The following GSDMC variants were observed in gnomAD, a reference collection of about 807,000 sequenced individuals.
GSDMC encodes the protein gasdermin C, also known as gasdermin-C.
A neutral mutation model predicts 58.0 loss-of-function variants in GSDMC; 59 were observed. The observed-to-expected ratio is 1.02, with a 90% confidence interval of 0.82 to 1.26. The LOEUF (loss-of-function observed/expected upper bound fraction) is 1.26. GSDMC is among the 50% of genes most tolerant of loss of function. The pLI, the probability that GSDMC is intolerant of heterozygous loss-of-function variation, is 0.00. For missense variants in GSDMC, 659 were observed against 598.5 expected, an observed-to-expected ratio of 1.10 and a Z score of -1.06; for synonymous variants, 241 against 220.2, an observed-to-expected ratio of 1.09 and a Z score of -0.83.
intron 3 of GSDMC, among the ~76,000 whole-genome samples, chr8:129,771,411 T>C (rs1256715802): frequency 6.6e-6 from 1 of 152,188 alleles, no homozygotes; most frequent in Non-Finnish European, 1.5e-5. Flanking sequence ...AAATAGATCA[T>C]ATGTTAGGCC....
chr8:129,719,576 T>A, the GSDMC span, among the ~76,000 whole-genome samples: 1 of 152,150 alleles, frequency 6.6e-6, no homozygotes, highest in Non-Finnish European at 1.5e-5. Context: ...AATACACATT[T>A]TTTTCCAAGA....
At chr8:129,781,650 C>G (rs184159115) in intron 1 of GSDMC, among the ~76,000 whole-genome samples, 2 of 151,350 alleles carry the variant, frequency 1.3e-5, no homozygotes, top group East Asian at 3.9e-4. Flanking sequence ...GAGGCTGAGG[C>G]AGGAGAATGG....
the GSDMC span, among the ~76,000 whole-genome samples, chr8:129,743,079 C>T: frequency 6.6e-6 from 1 of 152,116 alleles, no homozygotes; most frequent in East Asian, 1.9e-4. Flanking sequence ...TATTGTACAT[C>T]TTGGGATAGT....
At chr8:129,758,848 A>G (rs962017033) in intron 6 of GSDMC, among the ~76,000 whole-genome samples, 22 of 152,174 alleles carry the variant, frequency 1.4e-4, no homozygotes, top group Non-Finnish European at 1.0e-4. Flanking sequence ...CATTCTTCAC[A>G]GTAAGAAAAA....
At chr8:129,729,178 G>A in the GSDMC span, 1 of 667,650 alleles carries the variant, frequency 1.5e-6, no homozygotes, top group Non-Finnish European at 2.9e-6. Context: ...TATTTGATAT[G>A]TGTCAGCAAT....
At chr8:129,733,198 G>A in the GSDMC span, among the ~76,000 whole-genome samples, 9 of 150,746 alleles carry the variant, frequency 6.0e-5, no homozygotes, top group Admixed American at 5.3e-4. Context: ...GTTCAGCAAG[G>A]TCTGTTGCCT....
intron 6 of GSDMC, among the ~76,000 whole-genome samples, chr8:129,756,227 A>C (rs550252025): frequency 6.6e-6 from 1 of 151,804 alleles, no homozygotes; most frequent in Admixed American, 6.6e-5. Context: ...CAGACAAAAT[A>C]GATTTCAAGA....
the GSDMC span, chr8:129,730,489 A>G: frequency 1.4e-6 from 1 of 736,910 alleles, no homozygotes; most frequent in Non-Finnish European, 2.0e-6. Context: ...GAAAAATTCT[A>G]CTACAGCACA....
the GSDMC span, among the ~76,000 whole-genome samples, chr8:129,712,453 T>C: frequency 3.9e-5 from 6 of 152,014 alleles, no homozygotes; most frequent in Admixed American, 3.3e-4. Flanking sequence ...TGGGTTCTAG[T>C]TCAGGGTTAC....
At chr8:129,730,349 T>C in the GSDMC span, 1 of 1,315,052 alleles carries the variant, frequency 7.6e-7, no homozygotes, top group Non-Finnish European at 1.1e-6. Context: ...TTGAAACTGT[T>C]ATGCAAGGAG....
At chr8:129,735,371 T>A in the GSDMC span, among the ~76,000 whole-genome samples, 1 of 152,140 alleles carries the variant, frequency 6.6e-6, no homozygotes, top group African/African-American at 2.4e-5. Flanking sequence ...CAGCACCACA[T>A]CGCACTTATT....
At chr8:129,711,032 A>G in the GSDMC span, among the ~76,000 whole-genome samples, 1 of 152,184 alleles carries the variant, frequency 6.6e-6, no homozygotes, top group South Asian at 2.1e-4. Flanking sequence ...AAGGTCTAGG[A>G]CGGATGCCTT....
At chr8:129,705,646 T>A in the GSDMC span, 6 of 152,142 alleles carry the variant, frequency 3.9e-5, no homozygotes, top group African/African-American at 1.4e-4. Flanking sequence ...CAGGATTAAA[T>A]TCCCTCCGAC....
chr8:129,772,263 A>G (rs1417144143), intron 3 of GSDMC, among the ~76,000 whole-genome samples: 8 of 133,418 alleles, frequency 6.0e-5, no homozygotes, highest in African/African-American at 2.6e-4. Context: ...TCCGTCTCAA[A>G]AAAAAAAAAA....
At position 129,777,578 on chromosome 8, in the gene GSDMC, T is replaced by A. The variant is rs115551816; in HGVS notation, c.10A>T (p.Met4Leu). 37 of 1,588,358 alleles carry A rather than the reference T, an allele frequency of 2.3e-5. No homozygotes were observed. In the South Asian group the frequency reaches 4.1e-4, roughly 18 times the overall value. The change falls in exon 2 of 14, where the codon ATG becomes TTG. Residue 4 changes from methionine to leucine, a missense_variant. Physicochemically the swap from Met to Leu is conservative, Grantham distance 15 (BLOSUM62 2). Coordinates refer to ENST00000276708, the MANE Select transcript of GSDMC (RefSeq NM_031415.3). MPSMLERISKNLVK... is the reference protein window; with the variant it reads MPSLLERISKNLVK... ...AAATTTTTGCTAATGCGTTCCAACA[T>A]GGAGGGCATGTTGCTAGGAGGAGAT... is the stretch of plus-strand genomic sequence containing the variant.
In GSDMC at chr8:129,748,332, G is replaced by A. The variant is rs1268379285; in HGVS notation, c.*169C>T. 5 of 559,066 alleles carry A rather than the reference G, an allele frequency of 8.9e-6. No homozygotes were observed. The Admixed American group carries it at 1.5e-4, about 17-fold the overall frequency. 34.6% of individuals were successfully genotyped at this position (559,066 alleles called of 1,614,324 possible). Reference sequence around the variant, plus strand: ...ATATATAAACTCTTGTCAATATATAGAGTATTCCACCACCCCAAAACATTT... The same window carrying A: ...ATATATAAACTCTTGTCAATATATAAAGTATTCCACCACCCCAAAACATTT... On this transcript the variant is annotated 3_prime_UTR_variant, in exon 14 of 14. Transcript: ENST00000276708.
chr8:129,726,032 C>T, the GSDMC span, among the ~76,000 whole-genome samples: 1 of 152,128 alleles, frequency 6.6e-6, no homozygotes, highest in Non-Finnish European at 1.5e-5. Flanking sequence ...GAGAATATTC[C>T]TCTGCTTATG....
At chr8:129,757,739 C>T (rs1180676539) in intron 6 of GSDMC, among the ~76,000 whole-genome samples, 1 of 152,054 alleles carries the variant, frequency 6.6e-6, no homozygotes, top group Non-Finnish European at 1.5e-5. Context: ...ACCTGCAATC[C>T]CAGCACTTTG....
the GSDMC span, among the ~76,000 whole-genome samples, chr8:129,739,993 C>T: frequency 2.6e-5 from 4 of 151,926 alleles, no homozygotes; most frequent in African/African-American, 4.8e-5. Context: ...CCTAACCCTA[C>T]GTAGGACTGG....
Sources: gnomAD v4.1 joint callset for allele counts (sites outside exome capture counted in the v4.1 genomes callset) on GRCh38, gnomAD v4.1.1 for gene constraint, MANE v1.5 for transcripts, NCBI Gene and HGNC (gene_info 2026-07-23, HGNC 2026-07-21) for gene names.